The following GEN1 variants were observed in gnomAD, a reference collection of about 807,000 sequenced individuals.
The protein encoded by GEN1 is flap endonuclease GEN homolog 1.
GEN1 carries 64 observed loss-of-function variants against 67.6 expected under a neutral mutation model. The ratio of observed to expected loss-of-function variants is 0.95; its 90% CI spans 0.77 to 1.17. The LOEUF (loss-of-function observed/expected upper bound fraction) is 1.17, where lower values mean the gene tolerates loss of function less well. Ranked by LOEUF, GEN1 falls within the 50% of genes most tolerant of loss-of-function variation. The pLI is 0.00. For missense variants in GEN1, 1,058 were observed against 1,048.3 expected (o/e 1.01, Z -0.13); for synonymous variants, 371 against 359.4 (o/e 1.03, Z -0.37).
chr2:17,777,850 C>A, intron 11 of GEN1, 152 bp from the exon 12 acceptor site: 1 of 483,194 alleles, frequency 2.1e-6, no homozygotes, highest in Admixed American at 3.3e-5. Flanking sequence ...ACAATATTAT[C>A]TTTTGAATAA....
chr2:17,766,885 ATAT>A (rs1478106055), intron 5 of GEN1, among the ~76,000 whole-genome samples, 196 bp downstream of exon 5: 1 of 152,238 alleles, frequency 6.6e-6, no homozygotes, highest in Non-Finnish European at 1.5e-5. Flanking sequence ...GTGACACTTA[ATAT>A]TATAAGCAAG....
rs1007158797 is a variant in GEN1, at chr2:17,783,697, T to C, written c.*1758T>C. 2 of 152,150 alleles carry C rather than the reference T, an allele frequency of 1.3e-5. No individual in the cohort carries two copies. The highest frequency in any genetic ancestry group is 2.9e-5 in the Non-Finnish European group (2 of 68,024). The allele number at this position is 152,150 out of a possible 1,614,324, so 9.4% of individuals were successfully genotyped here. The stretch of plus-strand genomic sequence containing the variant: ...AGAATTCAGAAAAAAAGCCTTCACG[T>C]TTATGGTCAGTTGATTTTAAACCAG... On this transcript the variant is annotated 3_prime_UTR_variant, in exon 14 of 14. Coordinates refer to ENST00000381254, the MANE Select transcript of GEN1 (RefSeq NM_001130009.3).
chr2:17,763,505 C>G (rs570576143), intron 3 of GEN1, among the ~76,000 whole-genome samples: 6 of 152,168 alleles, frequency 3.9e-5, no homozygotes, highest in Non-Finnish European at 8.8e-5. Flanking sequence ...TTTCTGTACT[C>G]TTCAGTTACT....
chr2:17,757,948 C>T (rs1671503247), intron 1 of GEN1, among the ~76,000 whole-genome samples: 1 of 152,146 alleles, frequency 6.6e-6, no homozygotes, highest in African/African-American at 2.4e-5. Flanking sequence ...AAAAGTGGTT[C>T]TTGCCATCCC....
chr2:17,779,748 C>T lies in GEN1; in HGVS notation c.1265-230C>T, dbSNP rs150232228. Among the ~76,000 whole-genome samples the T allele has an allele frequency of 2.5e-3, 377 of 152,176 alleles. 1 individual carries two copies. Among genetic ancestry groups the T allele is most frequent in the African/African-American group, 8.6e-3 (357 of 41,500 alleles). Reference sequence around the variant, plus strand: ...TCCTGAGTAGCTGGGATTATAGGCACGCACCAGCATGCCCGGCTAATTTTT... The same window carrying T: ...TCCTGAGTAGCTGGGATTATAGGCATGCACCAGCATGCCCGGCTAATTTTT... On this transcript the variant is annotated intron_variant, in intron 12 of 13. Transcript: ENST00000381254.
chr2:17,773,086 T>C lies in GEN1; in HGVS notation c.954-10T>C, dbSNP rs756599888. 1 of 1,552,290 alleles carries C rather than the reference T, an allele frequency of 6.4e-7. No homozygotes were observed. Among genetic ancestry groups the C allele is most frequent in the South Asian group, 1.1e-5 (1 of 88,972 alleles). On this transcript the variant is annotated splice_polypyrimidine_tract_variant and intron_variant, in intron 8 of 13. Coordinates refer to ENST00000381254, the MANE Select transcript of GEN1 (RefSeq NM_001130009.3). Reference sequence around the variant, plus strand: ...TTATAGTAATAACATGTATATAATTTTTTTTTCAGGAAAGCTTGCTGTTGT... The same window carrying C: ...TTATAGTAATAACATGTATATAATTCTTTTTTCAGGAAAGCTTGCTGTTGT...
chr2:17,761,304 ACTAGT>A, intron 2 of GEN1, 87 bp from the exon 3 acceptor site: 2 of 651,784 alleles, frequency 3.1e-6, no homozygotes. Flanking sequence ...CGTTTTTGAT[ACTAGT>A]CTAATGTTCT....
chr2:17,776,425 A>G (rs1672437708), intron 11 of GEN1, among the ~76,000 whole-genome samples: 1 of 152,306 alleles, frequency 6.6e-6, no homozygotes, highest in South Asian at 2.1e-4. Flanking sequence ...GTGGCAATGT[A>G]GGAAAATACT....
At chr2:17,774,217 C>T in intron 10 of GEN1, 54 bp from the exon 11 acceptor site, 1 of 966,934 alleles carries the variant, frequency 1.0e-6, no homozygotes, top group Non-Finnish European at 1.5e-6. Context: ...CCTAGGAGTG[C>T]TATTTGTCTC....
rs901290208 is a variant in GEN1 at position 17,782,268 on chromosome 2, G to A, written c.*329G>A. On this transcript the variant is annotated 3_prime_UTR_variant, in exon 14 of 14. Coordinates refer to ENST00000381254, the MANE Select transcript of GEN1 (RefSeq NM_001130009.3). The stretch of plus-strand genomic sequence containing the variant: ...ACTTTTTCTTCCACAAGCCTCTAAA[G>A]TATTTATATTCCAGCTTGTTCCCAA... 4.2e-5 allele frequency: 7 copies of A among 166,842 alleles called. No homozygotes were observed. The highest frequency in any genetic ancestry group is 8.9e-5 in the Non-Finnish European group (7 of 78,250). The allele number at this position is 166,842 out of a possible 1,614,324, so 10.3% of individuals were successfully genotyped here.
chr2:17,778,280 A>ACACACACGTGTGTGTG (rs1360468644), intron 12 of GEN1, among the ~76,000 whole-genome samples: 3 of 118,124 alleles, frequency 2.5e-5, no homozygotes, highest in East Asian at 2.4e-4. Flanking sequence ...ATATATGTAT[A>ACACACACGTGTGTGTG]TACACACACA....
intron 11 of GEN1, among the ~76,000 whole-genome samples, chr2:17,774,732 T>G (rs1672348419): frequency 6.6e-6 from 1 of 151,872 alleles, no homozygotes; most frequent in African/African-American, 2.4e-5. Context: ...TTGCAGAGCC[T>G]TAAATCTAGA....
chr2:17,761,442 C>G lies in GEN1; in HGVS notation c.208C>G (p.Leu70Val). The G allele has an allele frequency of 6.2e-7, 1 of 1,610,310 alleles. No individual in the cohort carries two copies. Among genetic ancestry groups the G allele is most frequent in the Non-Finnish European group, 8.5e-7 (1 of 1,177,118 alleles). Residue 70 changes from leucine (L) to valine (V), a missense_variant, in exon 3 of 14, where the codon CTG becomes GTG. Physicochemically the swap from Leu to Val is conservative, Grantham distance 32. Coordinates refer to ENST00000381254, the MANE Select transcript of GEN1 (RefSeq NM_001130009.3). ...ISYLTQMDVKLVFVMEGEPPK... is the reference protein window; with the variant it reads ...ISYLTQMDVKVVFVMEGEPPK... ...ATATTTAACACAAATGGATGTAAAA[C>G]TGGTATTTGTTATGGAAGGGGAACC...
chr2:17,764,031 G>A (rs935879106), intron 3 of GEN1, among the ~76,000 whole-genome samples: 5 of 152,164 alleles, frequency 3.3e-5, no homozygotes, highest in Admixed American at 2.0e-4. Context: ...AAAGAATGGC[G>A]TATTACAAGA....
In GEN1 at chr2:17,772,762, GAAGTAGAGAACAATATTA is replaced by G. The variant is rs764642571; in HGVS notation, c.933_950del (p.Val312_Lys317del). The G allele has an allele frequency of 1.2e-4, 201 of 1,610,650 alleles. No individual in the cohort carries two copies. In the South Asian group the frequency reaches 2.1e-3, roughly 17 times the overall value. On this transcript the variant is annotated inframe_deletion, in exon 8 of 14. Coordinates refer to ENST00000381254, the MANE Select transcript of GEN1 (RefSeq NM_001130009.3). ...TACAGAACATGATAGGCAACTCAGT[GAAGTAGAGAACAATATTA>G]AGAAGTAAGTTTTTTTAAAAACTCA...
In GEN1 at chr2:17,783,090, C is replaced by T. The variant is rs1398120867; in HGVS notation, c.*1151C>T. 1 of 152,172 alleles carries T rather than the reference C, an allele frequency of 6.6e-6. No homozygotes were observed. Among genetic ancestry groups the T allele is most frequent in the Non-Finnish European group, 1.5e-5 (1 of 68,052 alleles). The allele number at this position is 152,172 out of a possible 1,614,324, so 9.4% of individuals were successfully genotyped here. A position where few individuals can be genotyped will look rare whatever the true frequency, so the allele number is the denominator to read the frequency against. ...TTTGTTTTTTTTTGAGACAGAGTCT[C>T]ACTCTTGTCGAGACTGGGGTGTAGT... On this transcript the variant is annotated 3_prime_UTR_variant, in exon 14 of 14. Transcript: ENST00000381254.
At position 17,761,573 on chromosome 2, in the gene GEN1, C is replaced by G. The variant is rs766026565; in HGVS notation, c.339C>G (p.Val113=). ...CAGGGAGATCACATTTTAAATCAGTCTTAAGAGAGGTGAGCATTCAGATTT... is the reference window on the plus strand; with the variant it reads ...CAGGGAGATCACATTTTAAATCAGTGTTAAGAGAGGTGAGCATTCAGATTT... ...QKTGRSHFKS[V]LRECLHMLEC... is the part of the protein sequence containing the mutation. Residue 113 remains valine, a synonymous_variant, in exon 3 of 14, where the codon GTC becomes GTG. Coordinates refer to ENST00000381254, the MANE Select transcript of GEN1 (RefSeq NM_001130009.3). The G allele has an allele frequency of 1.9e-6, 3 of 1,601,842 alleles. No individual in the cohort carries two copies. Among genetic ancestry groups the G allele is most frequent in the Non-Finnish European group, 2.6e-6 (3 of 1,175,404 alleles).
chr2:17,766,781 A>G, intron 5 of GEN1, 92 bp downstream of exon 5: 1 of 625,172 alleles, frequency 1.6e-6, no homozygotes, highest in Non-Finnish European at 2.8e-6. Flanking sequence ...TGGCTATATG[A>G]TTAAAAATCG....
chr2:17,754,157 C>T lies in GEN1; in HGVS notation c.-204C>T, dbSNP rs967799544. The T allele has an allele frequency of 3.9e-5, 6 of 152,170 alleles. No homozygotes were observed. The highest frequency in any genetic ancestry group is 1.4e-4 in the African/African-American group (6 of 41,402). The allele number at this position is 152,170 out of a possible 1,614,324, so 9.4% of individuals were successfully genotyped here. ...CCCGGCGCTGGATTCGAAACGCTTC[C>T]TGGTGCTCCTGGGCCTGGCGGTTGA... On this transcript the variant is annotated 5_prime_UTR_variant, in exon 1 of 14. Transcript: ENST00000381254.
Sources: gnomAD v4.1 joint callset for allele counts (sites outside exome capture counted in the v4.1 genomes callset) on GRCh38, gnomAD v4.1.1 for gene constraint, MANE v1.5 for transcripts, NCBI Gene and HGNC (gene_info 2026-07-23, HGNC 2026-07-21) for gene names.